Variants in KIAA0319L observed in about 807,000 individuals in gnomAD.
KIAA0319L encodes the protein KIAA0319 like.
Under a neutral mutation model 120.1 loss-of-function variants are expected in KIAA0319L, and 55 were observed. The observed-to-expected ratio is 0.46, with a 90% CI of 0.37 to 0.57. The LOEUF (loss-of-function observed/expected upper bound fraction) is 0.57, where lower values mean the gene tolerates loss of function less well. KIAA0319L is among the 20% of genes least tolerant of loss of function. The pLI is 0.00. For synonymous variants in KIAA0319L, 398 were observed against 471.9 expected, an observed-to-expected ratio of 0.84 and a Z score of 2.03; for missense variants, 1,049 against 1,255.3, an observed-to-expected ratio of 0.84 and a Z score of 2.48.
chr1:35,496,051 A>G (rs1000719584), intron 3 of KIAA0319L, among the ~76,000 whole-genome samples: 1 of 152,252 alleles, frequency 6.6e-6, no homozygotes, highest in African/African-American at 2.4e-5. Context: ...AATTTGATAC[A>G]TTAATCACGG....
chr1:35,542,312 T>C (rs534790975), intron 2 of KIAA0319L, among the ~76,000 whole-genome samples: 6 of 152,302 alleles, frequency 3.9e-5, no homozygotes, highest in African/African-American at 1.4e-4. Flanking sequence ...TATGTTTCAG[T>C]AACAGCACCC....
rs1279930214 is a variant in KIAA0319L, at chr1:35,449,922, C to T, written c.2298G>A (p.Val766=). 1 of 1,614,086 alleles carries T rather than the reference C, an allele frequency of 6.2e-7. No homozygotes were observed. The change falls in exon 15 of 21, where the codon GTG becomes GTA. Residue 766 remains valine (V), a synonymous_variant. Transcript: ENST00000325722. ...TGTCACTCTCACCCTTTGCATCGGT[C>T]ACTTTCAGGTGAAAAGTGTAGGTTC... is the stretch of plus-strand genomic sequence containing the variant. ...VEGTYTFHLK[V]TDAKGESDTD...
Position 35,479,042 on chromosome 1 carries a change from C to T in KIAA0319L, c.837G>A (p.Gln279=). ...SSEKTQIAVP[Q]PVAPSYSYAT... ...CATAACTGTAGGAGGGAGCCACTGG[C>T]TGGGGGACAGCAATCTGGGTTTTCT... is the stretch of plus-strand genomic sequence containing the variant. Residue 279 remains glutamine, a synonymous_variant, in exon 4 of 21, where the codon CAG becomes CAA. Coordinates refer to ENST00000325722, the MANE Select transcript of KIAA0319L (RefSeq NM_024874.5). 1 of 1,614,140 alleles carries T rather than the reference C, an allele frequency of 6.2e-7. No homozygotes were observed. Among genetic ancestry groups the T allele is most frequent in the Non-Finnish European group, 8.5e-7 (1 of 1,180,012 alleles).
intron 3 of KIAA0319L, among the ~76,000 whole-genome samples, chr1:35,487,750 A>G (rs992023911): frequency 3.9e-5 from 6 of 152,218 alleles, no homozygotes; most frequent in Non-Finnish European, 8.8e-5. Context: ...TGGTTGGAGA[A>G]TGCATTCAAT....
chr1:35,502,110 C>G (rs1257923847), intron 3 of KIAA0319L, among the ~76,000 whole-genome samples: 2 of 151,670 alleles, frequency 1.3e-5, no homozygotes, highest in Non-Finnish European at 2.9e-5. Flanking sequence ...AATGCCATCT[C>G]TACTAAAAAT....
chr1:35,450,137 A>AAC, intron 14 of KIAA0319L, 132 bp from the exon 15 acceptor site: 2 of 1,152,942 alleles, frequency 1.7e-6, no homozygotes, highest in Admixed American at 3.7e-5. Flanking sequence ...CCTGATACGG[A>AAC]ACAGCATTGC....
At chr1:35,534,544 T>C (rs570542905) in intron 2 of KIAA0319L, among the ~76,000 whole-genome samples, 7 of 152,166 alleles carry the variant, frequency 4.6e-5, no homozygotes, top group African/African-American at 1.7e-4. Flanking sequence ...AGATACTGGA[T>C]TGTGACAAAC....
chr1:35,533,400 A>T (rs1424220766), intron 2 of KIAA0319L: 1 of 152,194 alleles, frequency 6.6e-6, no homozygotes, highest in Non-Finnish European at 1.5e-5. Context: ...AAAAAAGAAA[A>T]AAAAAGCAGT....
intron 20 of KIAA0319L, chr1:35,435,572 C>G (rs1640723012): frequency 6.5e-6 from 1 of 153,944 alleles, no homozygotes; most frequent in Non-Finnish European, 1.4e-5. Context: ...TCTGTGGGCT[C>G]TTGTCTGCTG....
At chr1:35,494,284 T>C (rs1644712267) in intron 3 of KIAA0319L, among the ~76,000 whole-genome samples, 2 of 151,306 alleles carry the variant, frequency 1.3e-5, no homozygotes, top group Admixed American at 6.6e-5. Flanking sequence ...CCATCTCTAC[T>C]AAAAAATACA....
chr1:35,511,720 G>C (rs1384468320), intron 2 of KIAA0319L, among the ~76,000 whole-genome samples: 1 of 152,192 alleles, frequency 6.6e-6, no homozygotes, highest in South Asian at 2.1e-4. Flanking sequence ...TCATTTGTAA[G>C]GATGTTCACT....
intron 2 of KIAA0319L, among the ~76,000 whole-genome samples, chr1:35,520,886 G>C (rs911852916): frequency 6.6e-6 from 1 of 152,092 alleles, no homozygotes; most frequent in African/African-American, 2.4e-5. Flanking sequence ...CTGAAGAAAA[G>C]AAATTCAGCC....
chr1:35,500,257 C>T (rs1644957196), intron 3 of KIAA0319L, among the ~76,000 whole-genome samples: 1 of 152,182 alleles, frequency 6.6e-6, no homozygotes, highest in Admixed American at 6.5e-5. Context: ...GTCAGAACTG[C>T]TTAAGCTGTA....
intron 2 of KIAA0319L, among the ~76,000 whole-genome samples, chr1:35,540,782 G>A (rs1000923882): frequency 6.6e-6 from 1 of 152,098 alleles, no homozygotes; most frequent in South Asian, 2.1e-4. Flanking sequence ...ATTACCTTGG[G>A]ACCCTAGGGA....
At chr1:35,471,994 T>C (rs368137830) in intron 5 of KIAA0319L, among the ~76,000 whole-genome samples, 1 of 152,220 alleles carries the variant, frequency 6.6e-6, no homozygotes, top group African/African-American at 2.4e-5. Flanking sequence ...GTAGTAGTTA[T>C]GTTACGAGAG....
At chr1:35,485,042 A>G (rs1180555951) in intron 3 of KIAA0319L, among the ~76,000 whole-genome samples, 4 of 140,950 alleles carry the variant, frequency 2.8e-5, no homozygotes, top group Non-Finnish European at 6.0e-5. Flanking sequence ...TGCTAAATCT[A>G]ATAGCTGGGC....
At chr1:35,473,951 C>T (rs1220669896) in intron 5 of KIAA0319L, among the ~76,000 whole-genome samples, 1 of 152,184 alleles carries the variant, frequency 6.6e-6, no homozygotes, top group East Asian at 1.9e-4. Flanking sequence ...GTAAGTCAAA[C>T]TTTGGTATAT....
intron 9 of KIAA0319L, among the ~76,000 whole-genome samples, chr1:35,456,679 G>A (rs969390273): frequency 6.6e-6 from 1 of 152,028 alleles, no homozygotes; most frequent in South Asian, 2.1e-4. Flanking sequence ...AGGCATGGTG[G>A]TGCAGGCCTA....
intron 15 of KIAA0319L, among the ~76,000 whole-genome samples, chr1:35,449,502 T>C (rs565791652): frequency 6.6e-6 from 1 of 152,340 alleles, no homozygotes; most frequent in African/African-American, 2.4e-5. Context: ...GCTATTCCCA[T>C]GCTCAGATTC....
Sources: gnomAD v4.1 joint callset for allele counts (sites outside exome capture counted in the v4.1 genomes callset) on GRCh38, gnomAD v4.1.1 for gene constraint, MANE v1.5 for transcripts, NCBI Gene and HGNC (gene_info 2026-07-23, HGNC 2026-07-21) for gene names.